The following FA2H variants were observed in gnomAD, a reference collection of about 807,000 sequenced individuals.
FA2H encodes fatty acid alpha-hydroxylase.
FA2H carries 22 observed loss-of-function variants against 44.9 expected under a neutral mutation model. That is an observed-to-expected ratio of 0.49 (90% confidence interval 0.35 to 0.70). FA2H has a LOEUF of 0.70. Ranked by LOEUF, FA2H falls within the 30% of genes least tolerant of loss-of-function variation. The pLI is 0.01. For missense variants in FA2H, 501 were observed against 504.9 expected (o/e 0.99, Z 0.07); for synonymous variants, 243 against 213.2 (o/e 1.14, Z -1.22).
chr16:74,733,841 C>G (rs895284547), intron 2 of FA2H, among the ~76,000 whole-genome samples: 1 of 152,246 alleles, frequency 6.6e-6, no homozygotes, highest in Non-Finnish European at 1.5e-5. Flanking sequence ...CGCCTGCCCC[C>G]GCTCACCACA....
chr16:74,729,004 ATTTTTT>A (rs35360701), intron 2 of FA2H, among the ~76,000 whole-genome samples: 40 of 38,988 alleles, frequency 1.0e-3, no homozygotes, highest in African/African-American at 4.0e-3. Context: ...GATGGTCTTG[ATTTTTT>A]TTTTTTTTTT....
intron 4 of FA2H, among the ~76,000 whole-genome samples, chr16:74,725,235 G>C (rs1961927025): frequency 6.6e-6 from 1 of 152,170 alleles, no homozygotes; most frequent in Non-Finnish European, 1.5e-5. Context: ...CTGATGCCGT[G>C]ACCATGGCCC....
intron 4 of FA2H, among the ~76,000 whole-genome samples, chr16:74,721,302 G>A (rs1961832917): frequency 6.6e-6 from 1 of 151,998 alleles, no homozygotes; most frequent in South Asian, 2.1e-4. Context: ...CGGGTAGCTG[G>A]GATTATAGGT....
Position 74,757,954 on chromosome 16 carries a change from G to A in FA2H, c.270+16532C>T, listed in dbSNP as rs972423433. Among the ~76,000 whole-genome samples, 4 of 152,126 alleles carry A rather than the reference G, an allele frequency of 2.6e-5. No homozygotes were observed. In the South Asian group the frequency reaches 6.2e-4, roughly 24 times the overall value. On this transcript the variant is annotated intron_variant, in intron 1 of 6. Coordinates refer to ENST00000219368, the MANE Select transcript of FA2H (RefSeq NM_024306.5). ...GGATCACCTGAGCCGGGGAGGTCAA[G>A]GCTGCAGTGAGCTGAGATAGCACCA...
At chr16:74,747,863 G>A (rs901215113) in intron 1 of FA2H, among the ~76,000 whole-genome samples, 8 of 152,164 alleles carry the variant, frequency 5.3e-5, no homozygotes, top group Admixed American at 5.2e-4. Flanking sequence ...TAGAAAACCT[G>A]TAACAAGGCC....
intron 1 of FA2H, among the ~76,000 whole-genome samples, chr16:74,766,606 G>A (rs1043561086): frequency 6.6e-6 from 1 of 151,762 alleles, no homozygotes; most frequent in Non-Finnish European, 1.5e-5. Flanking sequence ...GCCAAACTAG[G>A]GCAGAAGTGA....
chr16:74,726,309 C>A lies in FA2H; in HGVS notation c.529G>T (p.Val177Leu). ...TVWYSVPIIW[V>L]PLVLYLSWSY... ...CAGCTGAGATACAGCACCAGGGGCA[C>A]CCAGATGATGGGGACACTGTACCTG... is the stretch of plus-strand genomic sequence containing the variant. The change falls in exon 4 of 7, where the codon GTG (valine) becomes TTG (leucine). Residue 177 changes from valine to leucine, a missense_variant. Physicochemically the swap from Val to Leu is conservative, Grantham distance 32 (BLOSUM62 1). Coordinates refer to ENST00000219368, the MANE Select transcript of FA2H (RefSeq NM_024306.5). 2 of 1,613,696 alleles carry A rather than the reference C, an allele frequency of 1.2e-6. No homozygotes were observed. The highest frequency in any genetic ancestry group is 2.2e-5 in the East Asian group (1 of 44,886).
intron 1 of FA2H, among the ~76,000 whole-genome samples, chr16:74,766,404 G>A (rs550351991): frequency 3.9e-5 from 6 of 152,206 alleles, no homozygotes; most frequent in African/African-American, 1.4e-4. Flanking sequence ...TAGGTGAGGA[G>A]GTAAGGAGAA....
intron 6 of FA2H, among the ~76,000 whole-genome samples, chr16:74,714,888 G>A (rs193143496): frequency 6.7e-5 from 10 of 149,780 alleles, no homozygotes; most frequent in African/African-American, 2.0e-4. Flanking sequence ...TCAGGCTGGA[G>A]TGCACTGGTG....
chr16:74,761,227 AGATCACCCT>A (rs1436257077), intron 1 of FA2H, among the ~76,000 whole-genome samples: 1 of 152,176 alleles, frequency 6.6e-6, no homozygotes, highest in African/African-American at 2.4e-5. Context: ...CAAGGCGAGC[AGATCACCCT>A]GAGGTCAGGA....
At chr16:74,721,493 C>T (rs1597542553) in intron 4 of FA2H, among the ~76,000 whole-genome samples, 1 of 152,086 alleles carries the variant, frequency 6.6e-6, no homozygotes, top group Admixed American at 6.5e-5. Context: ...AACCCTTACT[C>T]CATCTCCCTC....
Position 74,713,945 on chromosome 16 carries a change from G to A in FA2H, c.*245C>T, listed in dbSNP as rs1239182424. ...TCCTGTGGGCTGAGCTCTAGGCAGG[G>A]ACGCTCCAGGAAGAAGTGGGTCACC... On this transcript the variant is annotated 3_prime_UTR_variant, in exon 7 of 7. Coordinates refer to ENST00000219368, the MANE Select transcript of FA2H (RefSeq NM_024306.5). 1 of 547,984 alleles carries A rather than the reference G, an allele frequency of 1.8e-6. No homozygotes were observed. Among genetic ancestry groups the A allele is most frequent in the Non-Finnish European group, 3.3e-6 (1 of 303,814 alleles). The allele number at this position is 547,984 out of a possible 1,614,324, so 33.9% of individuals were successfully genotyped here. A position where few individuals can be genotyped will look rare whatever the true frequency, so the allele number is the denominator to read the frequency against.
At chr16:74,720,089 G>A (rs981402916) in intron 4 of FA2H, among the ~76,000 whole-genome samples, 6 of 150,968 alleles carry the variant, frequency 4.0e-5, no homozygotes, top group Non-Finnish European at 5.9e-5. Flanking sequence ...AGTCCTAGCG[G>A]CTTTCAGCTC....
At chr16:74,741,829 T>TGCGC (rs1555539925) in intron 1 of FA2H, among the ~76,000 whole-genome samples, 2 of 90,276 alleles carry the variant, frequency 2.2e-5, no homozygotes, top group Non-Finnish European at 4.8e-5. Context: ...TGTGTGTGTG[T>TGCGC]GTGTGTGTAT....
At position 74,716,388 on chromosome 16, in the gene FA2H, T is replaced by G; in HGVS notation, c.998A>C (p.Lys333Thr). ...PHKGSYLYSL[K>T]AHHVKHHFAH... Reference sequence around the variant, plus strand: ...AAAGTGGTGCTTGACGTGGTGGGCCTTCAGGCTGTACAGGTAGGAGCCCTT... The same window carrying G: ...AAAGTGGTGCTTGACGTGGTGGGCCGTCAGGCTGTACAGGTAGGAGCCCTT... The change falls in exon 6 of 7, where the codon AAG becomes ACG. Residue 333 changes from lysine to threonine, a missense_variant. Lys to Thr is a moderately conservative substitution (Grantham distance 78, BLOSUM62 -1). Coordinates refer to ENST00000219368, the MANE Select transcript of FA2H (RefSeq NM_024306.5). The G allele has an allele frequency of 6.2e-7, 1 of 1,614,016 alleles. No homozygotes were observed. The highest frequency in any genetic ancestry group is 8.5e-7 in the Non-Finnish European group (1 of 1,179,992).
rs538564860 is a variant in FA2H at position 74,717,354 on chromosome 16, C to A, written c.787-755G>T. On this transcript the variant is annotated intron_variant, in intron 5 of 6. Coordinates refer to ENST00000219368, the MANE Select transcript of FA2H (RefSeq NM_024306.5). ...TGAGATGCTGGCGTGGGCCTCCCTC[C>A]CTTCAGACCAGGAACAACAGGACCA... 2.0e-5 allele frequency among the ~76,000 whole-genome samples: 3 copies of A among 152,278 alleles called. No individual in the cohort carries two copies. The South Asian group carries it at 6.2e-4, about 32-fold the overall frequency.
At chr16:74,769,388 T>G (rs1029337934) in intron 1 of FA2H, among the ~76,000 whole-genome samples, 1 of 152,178 alleles carries the variant, frequency 6.6e-6, no homozygotes, top group Non-Finnish European at 1.5e-5. Context: ...TGAGCCACCG[T>G]GCCTGGCCCC....
chr16:74,771,367 T>C (rs1962902750), intron 1 of FA2H, among the ~76,000 whole-genome samples: 1 of 151,870 alleles, frequency 6.6e-6, no homozygotes, highest in African/African-American at 2.4e-5. Context: ...ATTTTTGTAT[T>C]TTTAGCAGAG....
chr16:74,764,306 A>G (rs937243943), intron 1 of FA2H, among the ~76,000 whole-genome samples: 10 of 152,354 alleles, frequency 6.6e-5, no homozygotes, highest in Non-Finnish European at 1.5e-4. Context: ...CAGCAAAGAC[A>G]TGAAATCAAC....
Sources: gnomAD v4.1 joint callset for allele counts (sites outside exome capture counted in the v4.1 genomes callset) on GRCh38, gnomAD v4.1.1 for gene constraint, MANE v1.5 for transcripts, NCBI Gene and HGNC (gene_info 2026-07-23, HGNC 2026-07-21) for gene names.